Variants in SKAP2 observed in about 807,000 individuals in gnomAD.
SKAP2 encodes the protein src kinase-associated phosphoprotein 2.
A neutral mutation model predicts 54.9 loss-of-function variants in SKAP2; 28 were observed. The observed-to-expected ratio is 0.51, with a 90% confidence interval of 0.38 to 0.70. The LOEUF (loss-of-function observed/expected upper bound fraction) is 0.70. SKAP2 is among the 30% of genes least tolerant of loss of function. The pLI, the probability that SKAP2 is intolerant of heterozygous loss-of-function variation, is 0.00. For synonymous variants in SKAP2, 137 were observed against 134.3 expected, an observed-to-expected ratio of 1.02 and a Z score of -0.14; for missense variants, 356 against 424.1, an observed-to-expected ratio of 0.84 and a Z score of 1.41.
chr7:26,851,393 A>G (rs1028652911), intron 3 of SKAP2, among the ~76,000 whole-genome samples: 5 of 152,096 alleles, frequency 3.3e-5, no homozygotes, highest in Non-Finnish European at 7.4e-5. Flanking sequence ...GCACTGAGCC[A>G]AGATGGTGCC....
chr7:26,688,406 G>A (rs1297631179), intron 10 of SKAP2, among the ~76,000 whole-genome samples: 1 of 152,074 alleles, frequency 6.6e-6, no homozygotes, highest in African/African-American at 2.4e-5. Context: ...TCTGTGGTGG[G>A]GGGTTTAGTA....
intron 4 of SKAP2, among the ~76,000 whole-genome samples, chr7:26,764,041 T>C (rs916780847): frequency 6.6e-6 from 1 of 152,180 alleles, no homozygotes; most frequent in South Asian, 2.1e-4. Flanking sequence ...CCAGCCTTTT[T>C]TAAAAAAATA....
At chr7:26,655,244 G>A in the SKAP2 span, among the ~76,000 whole-genome samples, 5 of 152,156 alleles carry the variant, frequency 3.3e-5, no homozygotes, top group Non-Finnish European at 7.3e-5. Context: ...GATAAATCAT[G>A]TTATTGCAAT....
chr7:26,760,757 G>A (rs1435897468), intron 4 of SKAP2, among the ~76,000 whole-genome samples: 2 of 152,144 alleles, frequency 1.3e-5, no homozygotes, highest in African/African-American at 4.8e-5. Flanking sequence ...TCAAATTTAG[G>A]TGGAATATCA....
At chr7:26,775,017 A>G (rs919676716) in intron 4 of SKAP2, among the ~76,000 whole-genome samples, 7 of 152,224 alleles carry the variant, frequency 4.6e-5, no homozygotes, top group Non-Finnish European at 1.0e-4. Flanking sequence ...AGTCTGTCAC[A>G]GCCATTGATT....
chr7:26,787,894 C>T (rs559119308), intron 4 of SKAP2, among the ~76,000 whole-genome samples: 18 of 152,124 alleles, frequency 1.2e-4, no homozygotes, highest in South Asian at 4.2e-4. Context: ...CTCGCTCTGT[C>T]GCCCAGACTG....
chr7:26,824,397 G>A (rs962645462), intron 4 of SKAP2, among the ~76,000 whole-genome samples: 3 of 152,146 alleles, frequency 2.0e-5, no homozygotes, highest in African/African-American at 4.8e-5. Context: ...CAAACACAAC[G>A]TAAGCTCAGT....
intron 6 of SKAP2, among the ~76,000 whole-genome samples, chr7:26,727,950 G>T (rs1562589409): frequency 2.0e-5 from 3 of 152,082 alleles, no homozygotes; most frequent in Non-Finnish European, 4.4e-5. Flanking sequence ...CTTTCGTGTT[G>T]TGGGGTGTGC....
intron 4 of SKAP2, among the ~76,000 whole-genome samples, chr7:26,769,525 G>A (rs1382722242): frequency 6.6e-6 from 1 of 152,160 alleles, no homozygotes; most frequent in East Asian, 1.9e-4. Context: ...TCCTTTGGAG[G>A]AGAAGAGGCA....
intron 4 of SKAP2, among the ~76,000 whole-genome samples, chr7:26,818,993 C>G (rs947067566): frequency 1.3e-5 from 2 of 152,100 alleles, no homozygotes; most frequent in Non-Finnish European, 2.9e-5. Flanking sequence ...ATTAGTTCAA[C>G]CATTGTGGAA....
intron 10 of SKAP2, 34 bp downstream of exon 10, chr7:26,690,251 A>G (rs1786752580): frequency 7.1e-7 from 1 of 1,415,140 alleles, no homozygotes; most frequent in African/African-American, 1.4e-5. Context: ...CAAAAGCAAA[A>G]TAAGGTTTGC....
chr7:26,823,492 A>G (rs933792873), intron 4 of SKAP2, among the ~76,000 whole-genome samples: 1 of 151,322 alleles, frequency 6.6e-6, no homozygotes, highest in Non-Finnish European at 1.5e-5. Context: ...AGAAACTTTG[A>G]GTGGTCTGGC....
chr7:26,742,531 G>C (rs1279268535), intron 4 of SKAP2: 1 of 152,090 alleles, frequency 6.6e-6, no homozygotes, highest in African/African-American at 2.4e-5. Flanking sequence ...ATTTCCACCT[G>C]ATACATCACA....
chr7:26,859,003 C>A (rs189068207), intron 1 of SKAP2, among the ~76,000 whole-genome samples: 1 of 152,176 alleles, frequency 6.6e-6, no homozygotes, highest in East Asian at 1.9e-4. Flanking sequence ...CATATACACA[C>A]ACTCAGCCTC....
Position 26,759,927 on chromosome 7 carries a change from C to G in SKAP2, c.308-19963G>C, listed in dbSNP as rs3801861. 5.3e-5 allele frequency among the ~76,000 whole-genome samples: 8 copies of G among 151,366 alleles called. No individual in the cohort carries two copies. The East Asian group carries it at 1.5e-3, about 29-fold the overall frequency. ...TCAAAGTTCTACATTTGAAGAAAAT[C>G]TCAAAAAAGCATCTTAATGCTTAAA... On this transcript the variant is annotated intron_variant, in intron 4 of 12. Coordinates refer to ENST00000345317, the MANE Select transcript of SKAP2 (RefSeq NM_003930.5).
intron 9 of SKAP2, among the ~76,000 whole-genome samples, chr7:26,725,160 C>T (rs1318133098): frequency 1.7e-4 from 26 of 152,032 alleles, no homozygotes; most frequent in Admixed American, 1.7e-3. Flanking sequence ...TGCTAATGAG[C>T]CACAAGTCCC....
rs923692434 is a variant in SKAP2 at position 26,718,261 on chromosome 7, GAAAAT to G, written c.796+7162_796+7166del. Among the ~76,000 whole-genome samples, 67 of 151,552 alleles carry G rather than the reference GAAAAT, an allele frequency of 4.4e-4. 1 individual carries two copies. The highest frequency in any genetic ancestry group is 1.5e-3 in the African/African-American group (63 of 41,360). ...AAATGAAAATAGGGGAGAGGAATGAGAAAATAAAAGCATGAGAAAGGAGGAAGGTA... is the reference window on the plus strand; with the variant it reads ...AAATGAAAATAGGGGAGAGGAATGAGAAAAGCATGAGAAAGGAGGAAGGTA... On this transcript the variant is annotated intron_variant, in intron 9 of 12. Coordinates refer to ENST00000345317, the MANE Select transcript of SKAP2 (RefSeq NM_003930.5).
intron 4 of SKAP2, among the ~76,000 whole-genome samples, chr7:26,790,940 T>C (rs1783661463): frequency 6.6e-6 from 1 of 152,144 alleles, no homozygotes; most frequent in Non-Finnish European, 1.5e-5. Flanking sequence ...TGTCGATATT[T>C]TTAATAGTCA....
chr7:26,835,591 T>C (rs190731410), intron 4 of SKAP2, among the ~76,000 whole-genome samples: 17 of 152,204 alleles, frequency 1.1e-4, no homozygotes, highest in South Asian at 6.2e-4. Flanking sequence ...CCATTCACAA[T>C]TGCAACAAGA....
Sources: gnomAD v4.1 joint callset for allele counts (sites outside exome capture counted in the v4.1 genomes callset) on GRCh38, gnomAD v4.1.1 for gene constraint, MANE v1.5 for transcripts, NCBI Gene and HGNC (gene_info 2026-07-23, HGNC 2026-07-21) for gene names.